HERC2: variants seen among roughly 807,000 people sequenced by gnomAD.
HERC2 encodes the protein HECT and RLD domain containing E3 ubiquitin protein ligase 2, also known as E3 ubiquitin-protein ligase HERC2.
A neutral mutation model predicts 537.7 loss-of-function variants in HERC2; 102 were observed. That is an observed-to-expected ratio of 0.19 (90% confidence interval 0.16 to 0.22). The LOEUF is 0.22. Among genes scored for constraint, HERC2 ranks in the 10% least tolerant of loss-of-function variants. The pLI is 1.00. For synonymous variants in HERC2, 2,224 were observed against 2,466.2 expected, an observed-to-expected ratio of 0.90 and a Z score of 2.91; for missense variants, 4,236 against 6,198.2, an observed-to-expected ratio of 0.68 and a Z score of 10.63.
At chr15:28,137,046 CAAT>C (rs980031503) in intron 78 of HERC2, among the ~76,000 whole-genome samples, 2 of 151,280 alleles carry the variant, frequency 1.3e-5, no homozygotes, top group Non-Finnish European at 2.9e-5. Flanking sequence ...AAAACAACAA[CAAT>C]AATGTCTATG....
chr15:28,180,705 C>G (rs1201908286), intron 57 of HERC2, among the ~76,000 whole-genome samples: 1 of 152,210 alleles, frequency 6.6e-6, no homozygotes, highest in Non-Finnish European at 1.5e-5. Flanking sequence ...GTTCCACGTC[C>G]ATGAATTCAA....
chr15:28,140,978 C>T (rs1891164838), intron 78 of HERC2, among the ~76,000 whole-genome samples: 1 of 151,668 alleles, frequency 6.6e-6, no homozygotes, highest in African/African-American at 2.4e-5. Flanking sequence ...TGGCTCATGC[C>T]TGTAATCCCA....
intron 4 of HERC2, among the ~76,000 whole-genome samples, chr15:28,287,926 G>A (rs1288811093): frequency 4.6e-5 from 7 of 151,822 alleles, no homozygotes; most frequent in South Asian, 2.1e-4. Flanking sequence ...CTGTTTCACC[G>A]TGTTAGCCAG....
chr15:28,189,682 C>T (rs1896647571), intron 55 of HERC2, among the ~76,000 whole-genome samples: 1 of 152,002 alleles, frequency 6.6e-6, no homozygotes, highest in Non-Finnish European at 1.5e-5. Context: ...GTTCTCACCA[C>T]AAAAAAGTGA....
At chr15:28,132,888 G>T (rs1396365767) in intron 79 of HERC2, 58 bp from the exon 80 acceptor site, 3 of 1,328,524 alleles carry the variant, frequency 2.3e-6, no homozygotes, top group East Asian at 2.7e-5. Context: ...ACATTTTTCA[G>T]TGTATTAAAT....
At chr15:28,114,549 C>A in intron 90 of HERC2, 63 bp downstream of exon 90, 1 of 1,496,334 alleles carries the variant, frequency 6.7e-7, no homozygotes, top group Non-Finnish European at 9.3e-7. Context: ...CACATGTCCA[C>A]ACAACCACGT....
intron 69 of HERC2, among the ~76,000 whole-genome samples, chr15:28,155,837 C>T (rs1048828035): frequency 6.6e-6 from 1 of 152,118 alleles, no homozygotes; most frequent in African/African-American, 2.4e-5. Flanking sequence ...AGTCCTTGCC[C>T]ATACCTATGT....
chr15:28,161,113 T>C (rs955763262), intron 69 of HERC2, among the ~76,000 whole-genome samples: 23 of 152,312 alleles, frequency 1.5e-4, no homozygotes, highest in East Asian at 7.7e-4. Context: ...TCTACCAAAC[T>C]CTGCTGCGCT....
intron 52 of HERC2, among the ~76,000 whole-genome samples, chr15:28,192,674 C>T (rs565846266): frequency 1.3e-5 from 2 of 152,116 alleles, no homozygotes; most frequent in Non-Finnish European, 2.9e-5. Flanking sequence ...CAGGAAGACC[C>T]GAGGCGAATG....
At chr15:28,230,768 A>G (rs897070652) in intron 30 of HERC2, among the ~76,000 whole-genome samples, 1 of 151,774 alleles carries the variant, frequency 6.6e-6, no homozygotes, top group Non-Finnish European at 1.5e-5. Flanking sequence ...GAGAGTGAAC[A>G]TTTGAGTCTT....
intron 81 of HERC2, 85 bp downstream of exon 81, chr15:28,132,015 T>G: frequency 2.5e-6 from 3 of 1,221,754 alleles, no homozygotes; most frequent in Non-Finnish European, 2.2e-6. Context: ...ATGGTGGCTC[T>G]GAGGCTGTGT....
chr15:28,199,956 G>GA (rs1203150365), intron 48 of HERC2, among the ~76,000 whole-genome samples: 1 of 152,172 alleles, frequency 6.6e-6, no homozygotes, highest in Non-Finnish European at 1.5e-5. Flanking sequence ...GTATTATCAT[G>GA]AATGTTTGTG....
intron 16 of HERC2, among the ~76,000 whole-genome samples, chr15:28,259,539 CCT>C (rs2075361034): frequency 6.6e-6 from 1 of 152,112 alleles, no homozygotes; most frequent in Admixed American, 6.5e-5. Context: ...TCAGCTTTCC[CCT>C]GATAGAAAGT....
chr15:28,264,763 C>T (rs1046179285), intron 14 of HERC2, among the ~76,000 whole-genome samples: 3 of 152,096 alleles, frequency 2.0e-5, no homozygotes, highest in African/African-American at 7.2e-5. Context: ...TTAAGGTCTG[C>T]AACTCACTCA....
rs1327481626 is a variant in HERC2, at chr15:28,168,554, C to T, written c.10266G>A (p.Met3422Ile). 1 of 1,614,160 alleles carries T rather than the reference C, an allele frequency of 6.2e-7. No individual in the cohort carries two copies. Among genetic ancestry groups the T allele is most frequent in the Non-Finnish European group, 8.5e-7 (1 of 1,180,004 alleles). Residue 3422 changes from methionine to isoleucine, a missense_variant, in exon 67 of 93, where the codon ATG (methionine) becomes ATA (isoleucine). Physicochemically the swap from Met to Ile is conservative, Grantham distance 10 (BLOSUM62 1). This residue lies in a region of HERC2 where 356 missense variants were observed against 450.9 expected (regional missense o/e 0.79). Coordinates refer to ENST00000261609, the MANE Select transcript of HERC2 (RefSeq NM_004667.6). ...AVVGALMPAAMIAPVECPSFS... is the reference protein window; with the variant it reads ...AVVGALMPAAIIAPVECPSFS... ...ACGAGGGGCACTCCACCGGGGCGAT[C>T]ATGGCGGCCGGCATCAGGGCCCCGA...
chr15:28,250,244 G>A (rs1248013751), intron 20 of HERC2, among the ~76,000 whole-genome samples: 4 of 152,078 alleles, frequency 2.6e-5, no homozygotes, highest in Admixed American at 2.6e-4. Context: ...GGAGACAGAG[G>A]AGCCAGGGTT....
intron 45 of HERC2, chr15:28,203,775 G>A (rs974696200): frequency 2.0e-5 from 3 of 151,906 alleles, no homozygotes; most frequent in Admixed American, 6.6e-5. Context: ...TATGCGGACG[G>A]ACTACCCGCA....
At chr15:28,244,993 A>G (rs1243138001) in intron 23 of HERC2, among the ~76,000 whole-genome samples, 2 of 152,200 alleles carry the variant, frequency 1.3e-5, no homozygotes. Flanking sequence ...CAAAACATTG[A>G]GAAGATAAGT....
intron 78 of HERC2, among the ~76,000 whole-genome samples, chr15:28,140,694 G>T (rs1476281364): frequency 1.3e-5 from 2 of 151,540 alleles, no homozygotes; most frequent in Non-Finnish European, 2.9e-5. Flanking sequence ...GCTTATTTTT[G>T]TATTTTTCGT....
Sources: allele counts gnomAD v4.1 joint callset (sites outside exome capture counted in the v4.1 genomes callset), GRCh38; gene constraint gnomAD v4.1.1; regional missense constraint gnomAD v4.1.1; transcripts MANE v1.5; gene names NCBI Gene and HGNC (gene_info 2026-07-23, HGNC 2026-07-21).